Variants in ARHGEF37 observed in about 807,000 individuals in gnomAD.
ARHGEF37 encodes the protein Rho guanine nucleotide exchange factor 37.
A neutral mutation model predicts 71.1 loss-of-function variants in ARHGEF37; 55 were observed. The ratio of observed to expected loss-of-function variants is 0.77; its 90% CI spans 0.62 to 0.97. ARHGEF37 has a LOEUF of 0.97. Ranked by LOEUF, ARHGEF37 falls within the 50% of genes least tolerant of loss-of-function variation. The probability of loss-of-function intolerance (pLI) is 0.00; values close to 1 mark genes in which losing one functional copy is unlikely to be tolerated. For synonymous variants in ARHGEF37, 327 were observed against 350.6 expected (o/e 0.93, Z 0.75); for missense variants, 765 against 836.8 (o/e 0.91, Z 1.06).
Position 149,616,585 on chromosome 5 carries a change from A to T in ARHGEF37, c.477A>T (p.Ser159=). ...CCCTCAGGCCGCAAGCTGGATCTTC[A>T]GGCCTCAGTTTCTTGCTGGTAATTC... ...VEAVVPQAGS[S]GLSFLLVIPL... Residue 159 remains serine (S), a synonymous_variant, in exon 5 of 13, where the codon TCA becomes TCT. Transcript: ENST00000333677. The T allele has an allele frequency of 1.2e-6, 2 of 1,608,790 alleles. No homozygotes were observed. Among genetic ancestry groups the T allele is most frequent in the Non-Finnish European group, 8.5e-7 (1 of 1,177,204 alleles).
At chr5:149,552,753 C>T (rs1762698397) in intron 1 of ARHGEF37, among the ~76,000 whole-genome samples, 2 of 152,172 alleles carry the variant, frequency 1.3e-5, no homozygotes, top group South Asian at 4.1e-4. Context: ...ATCGCTTGAA[C>T]CCGGGAGGCG....
At chr5:149,594,762 GA>G (rs1267260966) in intron 1 of ARHGEF37, among the ~76,000 whole-genome samples, 1 of 152,098 alleles carries the variant, frequency 6.6e-6, no homozygotes. Context: ...TAACCATCCA[GA>G]AAATAACAAA....
chr5:149,553,970 C>A (rs1174710144), intron 1 of ARHGEF37, among the ~76,000 whole-genome samples: 2 of 152,094 alleles, frequency 1.3e-5, no homozygotes, highest in East Asian at 1.9e-4. Context: ...GAGTTCGAGA[C>A]CATCCTGGCC....
chr5:149,595,890 C>T (rs1300510297), intron 1 of ARHGEF37, among the ~76,000 whole-genome samples: 3 of 151,892 alleles, frequency 2.0e-5, no homozygotes. Context: ...TTTTTCCTCA[C>T]CCAGAACCCA....
chr5:149,626,997 A>G (rs1056348008), intron 10 of ARHGEF37, 79 bp from the exon 11 acceptor site: 63 of 1,472,660 alleles, frequency 4.3e-5, no homozygotes, highest in Non-Finnish European at 5.5e-5. Context: ...CCTGGCTGTC[A>G]AAATGTGAGC....
intron 4 of ARHGEF37, among the ~76,000 whole-genome samples, chr5:149,616,125 A>C (rs1386492186): frequency 6.6e-6 from 1 of 152,098 alleles, no homozygotes; most frequent in East Asian, 1.9e-4. Context: ...TGAGGTCACT[A>C]AGAGAAAGTG....
Position 149,634,451 on chromosome 5 carries a change from G to A in ARHGEF37, c.*2260G>A, listed in dbSNP as rs1394244999. 6.6e-6 allele frequency: 1 copy of A among 152,634 alleles called. No homozygotes were observed. Among genetic ancestry groups the A allele is most frequent in the East Asian group, 1.9e-4 (1 of 5,204 alleles). 9.5% of individuals were successfully genotyped at this position (152,634 alleles called of 1,614,324 possible). On this transcript the variant is annotated 3_prime_UTR_variant, in exon 13 of 13. Coordinates refer to ENST00000333677, the MANE Select transcript of ARHGEF37 (RefSeq NM_001001669.3). Reference sequence around the variant, plus strand: ...AAAATTGGATGTCTTGTAGGCATAAGGGAGGAAAATAAAATATACTTGGAA... The same window carrying A: ...AAAATTGGATGTCTTGTAGGCATAAAGGAGGAAAATAAAATATACTTGGAA...
chr5:149,607,871 A>G (rs1299062602), intron 3 of ARHGEF37, among the ~76,000 whole-genome samples: 1 of 141,758 alleles, frequency 7.1e-6, no homozygotes, highest in Non-Finnish European at 1.5e-5. Flanking sequence ...GGTTCACGCC[A>G]TTCTCCTGCC....
chr5:149,593,173 A>G (rs757833822), intron 1 of ARHGEF37, among the ~76,000 whole-genome samples: 2 of 152,240 alleles, frequency 1.3e-5, no homozygotes, highest in Non-Finnish European at 2.9e-5. Flanking sequence ...TTACTGAGCT[A>G]TAATTCATAT....
intron 1 of ARHGEF37, among the ~76,000 whole-genome samples, chr5:149,558,703 G>A (rs1205997706): frequency 0.018 from 1,535 of 86,760 alleles, 25 homozygotes; most frequent in African/African-American, 0.048. Flanking sequence ...GTGTGTGTGT[G>A]TGTGTGTGTG....
chr5:149,552,680 A>G (rs1372782163), intron 1 of ARHGEF37, among the ~76,000 whole-genome samples: 1 of 152,138 alleles, frequency 6.6e-6, no homozygotes, highest in African/African-American at 2.4e-5. Flanking sequence ...TCTACTAAAA[A>G]TACAAAAATT....
intron 12 of ARHGEF37, among the ~76,000 whole-genome samples, chr5:149,629,305 T>C (rs375835601): frequency 6.6e-6 from 1 of 152,346 alleles, no homozygotes; most frequent in African/African-American, 2.4e-5. Flanking sequence ...AACTAAATCA[T>C]GGTCTTTGCT....
At chr5:149,629,447 TG>T (rs1470653034) in intron 12 of ARHGEF37, among the ~76,000 whole-genome samples, 1 of 152,202 alleles carries the variant, frequency 6.6e-6, no homozygotes, top group Admixed American at 6.5e-5. Context: ...GGAAAGGTTT[TG>T]CTGAGAAGAG....
At chr5:149,591,709 A>G (rs1050069883) in intron 1 of ARHGEF37, among the ~76,000 whole-genome samples, 3 of 152,242 alleles carry the variant, frequency 2.0e-5, no homozygotes, top group Non-Finnish European at 2.9e-5. Context: ...CCGTACTTTG[A>G]GTACCCATAC....
chr5:149,628,887 C>T lies in ARHGEF37; in HGVS notation c.1739C>T (p.Ala580Val), dbSNP rs1232673972. The T allele has an allele frequency of 1.1e-5, 18 of 1,613,520 alleles. No individual in the cohort carries two copies. The Admixed American group carries it at 2.3e-4, about 21-fold the overall frequency. The change falls in exon 12 of 13, where the codon GCG (alanine) becomes GTG (valine). Residue 580 changes from alanine to valine, a missense_variant. Coordinates refer to ENST00000333677, the MANE Select transcript of ARHGEF37 (RefSeq NM_001001669.3). The stretch of plus-strand genomic sequence containing the variant: ...AGTGCAGAGGAGCTCAGAAGGCAGG[C>T]GGGGCTGAACAAAGACCCCCGATGT... ...VPSAEELRRQAGLNKDPRCLT... is the reference protein window; with the variant it reads ...VPSAEELRRQVGLNKDPRCLT...
In ARHGEF37 at chr5:149,632,321, C is replaced by T. The variant is rs1188194552; in HGVS notation, c.*130C>T. 9.7e-7 allele frequency: 1 copy of T among 1,033,458 alleles called. No individual in the cohort carries two copies. Among genetic ancestry groups the T allele is most frequent in the East Asian group, 2.6e-5 (1 of 38,362 alleles). 64.0% of individuals were successfully genotyped at this position (1,033,458 alleles called of 1,614,324 possible). On this transcript the variant is annotated 3_prime_UTR_variant, in exon 13 of 13. Transcript: ENST00000333677. The stretch of plus-strand genomic sequence containing the variant: ...CAGGCCAGGGTGGGTGAAGCACACT[C>T]AGGAGGCAGCCAGAAGACATGGGCG...
Position 149,614,744 on chromosome 5 carries a change from G to A in ARHGEF37, c.459-1823G>A, listed in dbSNP as rs1752327314. Among the ~76,000 whole-genome samples the A allele has an allele frequency of 1.3e-5, 2 of 152,082 alleles. 1 individual carries two copies. The highest frequency in any genetic ancestry group is 4.8e-5 in the African/African-American group (2 of 41,402). On this transcript the variant is annotated intron_variant, in intron 4 of 12. Transcript: ENST00000333677. ...TAGGCGTCTCCTGATGGGTAATCCT[G>A]CCCCCTGCAGCTTCTGAGGGGCTCC...
At chr5:149,567,012 A>G (rs982812196) in intron 1 of ARHGEF37, among the ~76,000 whole-genome samples, 4 of 152,296 alleles carry the variant, frequency 2.6e-5, no homozygotes, top group Middle Eastern at 3.4e-3. Context: ...TCCATAGTCC[A>G]TATTCAGATT....
At position 149,632,070 on chromosome 5, in the gene ARHGEF37, A is replaced by G; in HGVS notation, c.1907A>G (p.Asp636Gly). ...GQPVTILEAQ[D>G]KKGNPEWSLV... ...CCTGTGACCATCCTGGAGGCCCAGG[A>G]CAAGAAGGGGAACCCTGAGTGGAGC... Residue 636 changes from aspartate to glycine, a missense_variant, in exon 13 of 13, where the codon GAC (aspartate) becomes GGC (glycine). Physicochemically the swap from Asp to Gly is moderately conservative, Grantham distance 94 (BLOSUM62 -1). This residue lies in a region of ARHGEF37 where 390 missense variants were observed against 407.4 expected (regional missense o/e 0.96). Coordinates refer to ENST00000333677, the MANE Select transcript of ARHGEF37 (RefSeq NM_001001669.3). 1 of 1,614,262 alleles carries G rather than the reference A, an allele frequency of 6.2e-7. No individual in the cohort carries two copies. Among genetic ancestry groups the G allele is most frequent in the Non-Finnish European group, 8.5e-7 (1 of 1,180,046 alleles).
Sources: gnomAD v4.1 joint callset for allele counts (sites outside exome capture counted in the v4.1 genomes callset) on GRCh38, gnomAD v4.1.1 for gene constraint, gnomAD v4.1.1 regional missense constraint, MANE v1.5 for transcripts, NCBI Gene and HGNC (gene_info 2026-07-23, HGNC 2026-07-21) for gene names.